PCDHGA3: variants seen among roughly 807,000 people sequenced by gnomAD.
PCDHGA3 encodes protocadherin gamma-A3.
PCDHGA3 carries 40 observed loss-of-function variants against 58.5 expected under a neutral mutation model. The observed-to-expected ratio is 0.68, with a 90% CI of 0.53 to 0.89. The LOEUF is 0.89. Ranked by LOEUF, PCDHGA3 falls within the 40% of genes least tolerant of loss-of-function variation. The pLI, the probability that PCDHGA3 is intolerant of heterozygous loss-of-function variation, is 0.00. For synonymous variants in PCDHGA3, 530 were observed against 525.7 expected, an observed-to-expected ratio of 1.01 and a Z score of -0.11; for missense variants, 1,223 against 1,195.9, an observed-to-expected ratio of 1.02 and a Z score of -0.33.
At chr5:141,398,392 A>T in intron 1 of PCDHGA3, 1 of 1,456,390 alleles carries the variant, frequency 6.9e-7, no homozygotes, top group Non-Finnish European at 9.5e-7. Context: ...TGTGAGCAGC[A>T]GGCTAGACAG....
chr5:141,388,919 G>T, intron 1 of PCDHGA3: 1 of 1,613,998 alleles, frequency 6.2e-7, no homozygotes. Flanking sequence ...CCCCAGAAGT[G>T]ATATTCCAGT....
intron 1 of PCDHGA3, among the ~76,000 whole-genome samples, chr5:141,380,542 T>G (rs182715146): frequency 6.6e-6 from 1 of 152,362 alleles, no homozygotes; most frequent in East Asian, 1.9e-4. Flanking sequence ...TTTGATACAA[T>G]GAGCTTATGT....
Position 141,360,413 on chromosome 5 carries a change from A to G in PCDHGA3, c.2424+13956A>G, listed in dbSNP as rs1295695057. 2 of 1,613,982 alleles carry G rather than the reference A, an allele frequency of 1.2e-6. No individual in the cohort carries two copies. The highest frequency in any genetic ancestry group is 3.3e-5 in the Admixed American group (2 of 60,024). On this transcript the variant is annotated intron_variant, in intron 1 of 3. Coordinates refer to ENST00000253812, the MANE Select transcript of PCDHGA3 (RefSeq NM_018916.4). ...CTTGTGAGTGACAGAATAGACCGAG[A>G]ACAGATATGCGGGAAGCAGCCTCTG...
intron 1 of PCDHGA3, among the ~76,000 whole-genome samples, chr5:141,462,678 T>G (rs923728894): frequency 1.3e-5 from 2 of 152,210 alleles, no homozygotes; most frequent in South Asian, 4.1e-4. Flanking sequence ...TTCTTTAAAT[T>G]TTTGAGCACA....
chr5:141,483,637 G>C (rs1365525499), intron 1 of PCDHGA3, among the ~76,000 whole-genome samples: 2 of 145,762 alleles, frequency 1.4e-5, no homozygotes. Context: ...AAGGTATAGA[G>C]GGGTGTGTGT....
chr5:141,409,749 C>T (rs1477022032), intron 1 of PCDHGA3: 4 of 1,613,030 alleles, frequency 2.5e-6, no homozygotes, highest in Admixed American at 1.7e-5. Context: ...GTGGTGTTCG[C>T]GCAGCGCGCC....
At chr5:141,418,693 T>C (rs989725231) in intron 1 of PCDHGA3, 1 of 1,613,922 alleles carries the variant, frequency 6.2e-7, no homozygotes, top group South Asian at 1.1e-5. Context: ...CAGAGATCAC[T>C]TATTCCTTCT....
rs1267965791 is a variant in PCDHGA3, at chr5:141,431,329, G to C, written c.2425-63478G>C. 1 of 1,614,002 alleles carries C rather than the reference G, an allele frequency of 6.2e-7. No individual in the cohort carries two copies. Among genetic ancestry groups the C allele is most frequent in the East Asian group, 2.2e-5 (1 of 44,904 alleles). On this transcript the variant is annotated intron_variant, in intron 1 of 3. Coordinates refer to ENST00000253812, the MANE Select transcript of PCDHGA3 (RefSeq NM_018916.4). The surrounding 1 kb of genome is among the most constrained non-coding windows in gnomAD (Gnocchi z 4.8). ...TGCAAAATGGAGCCGACGGTAGTAA[G>C]TACCCCGAATTGGTGCTGAAACGCG...
chr5:141,343,970 A>C lies in PCDHGA3; in HGVS notation c.-64A>C. Reference sequence around the variant, plus strand: ...AAAAGACTTCGTTTCTTGAGAAAATAAGATTGGAGTCCGTCGTAGGAAACT... The same window carrying C: ...AAAAGACTTCGTTTCTTGAGAAAATCAGATTGGAGTCCGTCGTAGGAAACT... On this transcript the variant is annotated 5_prime_UTR_variant, in exon 1 of 4. Coordinates refer to ENST00000253812, the MANE Select transcript of PCDHGA3 (RefSeq NM_018916.4). The C allele has an allele frequency of 7.3e-7, 1 of 1,376,390 alleles. No homozygotes were observed. The highest frequency in any genetic ancestry group is 1.6e-5 in the South Asian group (1 of 63,084). 85.3% of individuals were successfully genotyped at this position (1,376,390 alleles called of 1,614,324 possible). A position where few individuals can be genotyped will look rare whatever the true frequency, so the allele number is the denominator to read the frequency against.
Position 141,487,820 on chromosome 5 carries a change from G to A in PCDHGA3, c.2425-6987G>A, listed in dbSNP as rs1024593393. 8 of 1,293,652 alleles carry A rather than the reference G, an allele frequency of 6.2e-6. No individual in the cohort carries two copies. The highest frequency in any genetic ancestry group is 3.7e-4 in the Middle Eastern group (2 of 5,382). 80.1% of individuals were successfully genotyped at this position (1,293,652 alleles called of 1,614,324 possible). A position where few individuals can be genotyped will look rare whatever the true frequency, so the allele number is the denominator to read the frequency against. On this transcript the variant is annotated intron_variant, in intron 1 of 3. Transcript: ENST00000253812. This position sits in a 1 kb window ranked among gnomAD's most constrained non-coding sequence, Gnocchi z 5.0. ...GTTGTCACAGTTTAGCATTGGGGGC[G>A]GGTCATGCCTATATCTGAGTAAGAA...
At chr5:141,408,879 C>A in intron 1 of PCDHGA3, 1 of 1,613,504 alleles carries the variant, frequency 6.2e-7, no homozygotes. Context: ...AGTGCCACCG[C>A]TCACATAGAA....
At chr5:141,433,607 G>A (rs1209706866) in intron 1 of PCDHGA3, among the ~76,000 whole-genome samples, 2 of 152,078 alleles carry the variant, frequency 1.3e-5, no homozygotes, top group East Asian at 1.9e-4. Context: ...AGGCCGAGGC[G>A]GGTGGATCAC....
intron 2 of PCDHGA3, among the ~76,000 whole-genome samples, chr5:141,497,984 C>G (rs2099780951): frequency 6.6e-6 from 1 of 152,194 alleles, no homozygotes; most frequent in South Asian, 2.1e-4. Flanking sequence ...TGGGAGGCCC[C>G]TGCCCTCAAG....
chr5:141,385,097 C>T (rs1296944219), intron 1 of PCDHGA3: 3 of 1,614,192 alleles, frequency 1.9e-6, no homozygotes, highest in East Asian at 2.2e-5. Context: ...GGTGGCTTGG[C>T]GAACGTGCCC....
At chr5:141,428,313 C>T in intron 1 of PCDHGA3, 1 of 671,482 alleles carries the variant, frequency 1.5e-6, no homozygotes, top group Non-Finnish European at 2.6e-6. Context: ...TGGTCGTGGC[C>T]TTGGCCTTGA....
intron 1 of PCDHGA3, chr5:141,375,116 C>T (rs754682469): frequency 3.7e-6 from 6 of 1,613,886 alleles, no homozygotes; most frequent in Non-Finnish European, 4.2e-6. Flanking sequence ...TGATAATGTA[C>T]CAGAAGTGGT....
At chr5:141,474,041 GC>G (rs1242668125) in intron 1 of PCDHGA3, among the ~76,000 whole-genome samples, 3 of 152,140 alleles carry the variant, frequency 2.0e-5, no homozygotes. Context: ...CTGTACTCCA[GC>G]CTGGATGACA....
intron 1 of PCDHGA3, among the ~76,000 whole-genome samples, chr5:141,359,508 A>G (rs1481865677): frequency 1.3e-5 from 2 of 151,268 alleles, no homozygotes; most frequent in Admixed American, 6.6e-5. Context: ...CTAGATAACT[A>G]TATTATGGGC....
chr5:141,384,461 A>G, intron 1 of PCDHGA3: 1 of 1,614,078 alleles, frequency 6.2e-7, no homozygotes, highest in Non-Finnish European at 8.5e-7. Flanking sequence ...CAATCCTTTG[A>G]TTATGAGCAG....
Sources: gnomAD v4.1 joint callset for allele counts (sites outside exome capture counted in the v4.1 genomes callset) on GRCh38, gnomAD v4.1.1 for gene constraint, Gnocchi (gnomAD v3.1) non-coding constraint, MANE v1.5 for transcripts, NCBI Gene and HGNC (gene_info 2026-07-23, HGNC 2026-07-21) for gene names.